The following TRMT2B variants were observed in gnomAD, a reference collection of about 807,000 sequenced individuals.
TRMT2B encodes the protein tRNA methyltransferase 2B, also known as tRNA (uracil-5-)-methyltransferase homolog B.
TRMT2B carries 34 observed loss-of-function variants against 39.7 expected under a neutral mutation model. The observed-to-expected ratio is 0.86, with a 90% confidence interval of 0.65 to 1.14. The LOEUF is 1.14. Ranked by LOEUF, TRMT2B falls within the 50% of genes most tolerant of loss-of-function variation. The pLI is 0.00. For synonymous variants in TRMT2B, 132 were observed against 137.3 expected, an observed-to-expected ratio of 0.96 and a Z score of 0.27; for missense variants, 318 against 377.2, an observed-to-expected ratio of 0.84 and a Z score of 1.30.
rs2086184762 is a variant in TRMT2B at position 101,009,959 on chromosome X, AG to A, written c.*621del. On this transcript the variant is annotated 3_prime_UTR_variant, in exon 14 of 14. Coordinates refer to ENST00000372936, the MANE Select transcript of TRMT2B (RefSeq NM_024917.6). Reference sequence around the variant, plus strand: ...AAAATTATTACCAGCTGCTTAAAAAAGGTCATTTGTCCACACCATAAGCAGA... The same window carrying A: ...AAAATTATTACCAGCTGCTTAAAAAAGTCATTTGTCCACACCATAAGCAGA... The A allele has an allele frequency of 1.8e-5, 2 of 110,478 alleles. No homozygotes were observed. Among genetic ancestry groups the A allele is most frequent in the Admixed American group, 2.0e-4 (2 of 10,055 alleles). The allele number at this position is 110,478 out of a possible 1,213,427, so 9.1% of individuals were successfully genotyped here.
At chrX:101,035,180 C>A in intron 7 of TRMT2B, among the ~76,000 whole-genome samples, 1 of 111,194 alleles carries the variant, frequency 9.0e-6, no homozygotes, top group South Asian at 3.8e-4. Flanking sequence ...AGACCTCATC[C>A]AAGAAAGAAA....
chrX:101,015,685 AT>A, intron 13 of TRMT2B: 1 of 689,293 alleles, frequency 1.5e-6, no homozygotes, highest in Non-Finnish European at 1.7e-6. Context: ...ACTGCAAATT[AT>A]TTTCCAGTTT....
At chrX:101,045,779 C>T (rs1161664973) in intron 2 of TRMT2B, among the ~76,000 whole-genome samples, 1 of 108,315 alleles carries the variant, frequency 9.2e-6, no homozygotes, top group African/African-American at 3.4e-5. Flanking sequence ...GCCTAGGTGA[C>T]AGAGTGAGAC....
At chrX:101,015,792 C>T (rs1357769941) in intron 13 of TRMT2B, among the ~76,000 whole-genome samples, 4 of 72,582 alleles carry the variant, frequency 5.5e-5, no homozygotes, top group Non-Finnish European at 1.0e-4. Flanking sequence ...CATACCATGC[C>T]GGGCACAGTG....
At chrX:100,985,581 T>A in the TRMT2B span, 2 of 1,090,815 alleles carry the variant, frequency 1.8e-6, no homozygotes, top group Non-Finnish European at 2.5e-6. Context: ...GACAACTGCA[T>A]GAAATCGGAA....
At chrX:101,023,767 T>C in intron 7 of TRMT2B, 151 bp from the exon 8 acceptor site, 1 of 483,332 alleles carries the variant, frequency 2.1e-6, no homozygotes, top group Admixed American at 4.0e-5. Flanking sequence ...GTCTATACTT[T>C]GAGACAGGGC....
At chrX:101,046,742 C>T (rs1311122254) in intron 2 of TRMT2B, among the ~76,000 whole-genome samples, 1 of 110,752 alleles carries the variant, frequency 9.0e-6, no homozygotes, top group East Asian at 2.8e-4. Flanking sequence ...ACCTGACCAA[C>T]ATGGAGAAAC....
chrX:100,977,930 C>CA, the TRMT2B span, among the ~76,000 whole-genome samples: 1 of 111,942 alleles, frequency 8.9e-6, no homozygotes, highest in South Asian at 3.8e-4. Flanking sequence ...AGGTTGCTTC[C>CA]AAATCTGGGC....
chrX:101,049,234 T>C (rs2088889512), intron 2 of TRMT2B, among the ~76,000 whole-genome samples: 1 of 110,628 alleles, frequency 9.0e-6, no homozygotes, highest in Non-Finnish European at 1.9e-5. Flanking sequence ...GGCTTACAAC[T>C]GTAACTCCCA....
the TRMT2B span, among the ~76,000 whole-genome samples, chrX:100,973,379 C>T: frequency 5.0e-5 from 5 of 99,429 alleles, no homozygotes; most frequent in East Asian, 3.4e-4. Context: ...TCCTTGCCCT[C>T]GGGCCCCGCG....
At chrX:101,041,914 G>A (rs2088259162) in intron 3 of TRMT2B, 128 bp downstream of exon 3, 2 of 854,960 alleles carry the variant, frequency 2.3e-6, no homozygotes, top group Non-Finnish European at 3.3e-6. Flanking sequence ...AATTTGCCCT[G>A]GGTATCCTAC....
At chrX:101,032,258 C>G (rs1157606087) in intron 7 of TRMT2B, among the ~76,000 whole-genome samples, 2 of 108,769 alleles carry the variant, frequency 1.8e-5, no homozygotes, top group Admixed American at 1.0e-4. Flanking sequence ...TGCACTCCAG[C>G]CTGGGCAACA....
At chrX:101,019,473 C>T (rs113162285) in intron 11 of TRMT2B, 70 bp from the exon 12 acceptor site, 118,269 of 1,151,294 alleles carry the variant, frequency 0.1, 4,371 homozygotes, top group Admixed American at 0.16. Context: ...TTCACAGAAA[C>T]GCACAGGAGC....
intron 2 of TRMT2B, among the ~76,000 whole-genome samples, chrX:101,049,765 G>A (rs1415128303): frequency 1.2e-5 from 1 of 85,230 alleles, no homozygotes; most frequent in Non-Finnish European, 2.2e-5. Context: ...ACTCCAGCCT[G>A]GGCAAGAGAC....
chrX:101,020,893 C>T (rs1350604117), intron 10 of TRMT2B, among the ~76,000 whole-genome samples: 2 of 111,956 alleles, frequency 1.8e-5, no homozygotes, highest in East Asian at 5.6e-4. Flanking sequence ...TAGTCTCCAA[C>T]TCCTGGGCTC....
chrX:101,039,884 G>A lies in TRMT2B; in HGVS notation c.303+1433C>T, dbSNP rs753414561. Reference sequence around the variant, plus strand: ...CTCTGCATTCCAGCCAGGCAACAGAGTGAGACGCTATCTAAAAAAAAAAAA... The same window carrying A: ...CTCTGCATTCCAGCCAGGCAACAGAATGAGACGCTATCTAAAAAAAAAAAA... On this transcript the variant is annotated intron_variant, in intron 4 of 13. Coordinates refer to ENST00000372936, the MANE Select transcript of TRMT2B (RefSeq NM_024917.6). 5.2e-4 allele frequency among the ~76,000 whole-genome samples: 56 copies of A among 107,625 alleles called. No homozygotes were observed. The Middle Eastern group carries it at 0.015, about 28-fold the overall frequency. The allele number at this position is 107,625 out of a possible 115,157, so 93.5% of individuals were successfully genotyped here. A position where few individuals can be genotyped will look rare whatever the true frequency, so the allele number is the denominator to read the frequency against.
At chrX:100,993,118 C>A in the TRMT2B span, among the ~76,000 whole-genome samples, 1 of 111,870 alleles carries the variant, frequency 8.9e-6, no homozygotes, top group Non-Finnish European at 1.9e-5. Context: ...CTGAAAGGAA[C>A]CTTACAGAGC....
chrX:101,016,957 G>A (rs766803120), intron 13 of TRMT2B, among the ~76,000 whole-genome samples: 52 of 111,322 alleles, frequency 4.7e-4, no homozygotes, highest in Non-Finnish European at 8.3e-4. Flanking sequence ...GGCGGGTCAC[G>A]AGGTCAAAAG....
At chrX:101,051,218 T>C in intron 2 of TRMT2B, 33 bp downstream of exon 2, 3 of 729,619 alleles carry the variant, frequency 4.1e-6, no homozygotes, top group Non-Finnish European at 4.8e-6. Context: ...CTCAGAGAGG[T>C]TCAAATCAAA....
Sources: gnomAD v4.1 joint callset for allele counts (sites outside exome capture counted in the v4.1 genomes callset) on GRCh38, gnomAD v4.1.1 for gene constraint, MANE v1.5 for transcripts, NCBI Gene and HGNC (gene_info 2026-07-23, HGNC 2026-07-21) for gene names.